Variants in ROCK2 observed in about 807,000 individuals in gnomAD.
ROCK2 encodes Rho associated coiled-coil containing protein kinase 2.
Under a neutral mutation model 195.1 loss-of-function variants are expected in ROCK2, and 61 were observed. The observed-to-expected ratio is 0.31, with a 90% CI of 0.25 to 0.39. The LOEUF (loss-of-function observed/expected upper bound fraction) is 0.39, where lower values mean the gene tolerates loss of function less well. ROCK2 is among the 10% of genes least tolerant of loss of function. ROCK2 has a pLI of 1.00. For missense variants in ROCK2, 1,109 were observed against 1,637.4 expected, an observed-to-expected ratio of 0.68 and a Z score of 5.57; for synonymous variants, 504 against 545.5, an observed-to-expected ratio of 0.92 and a Z score of 1.06.
At chr2:11,261,000 T>C (rs1431996067) in intron 3 of ROCK2, among the ~76,000 whole-genome samples, 1 of 152,246 alleles carries the variant, frequency 6.6e-6, no homozygotes, top group Non-Finnish European at 1.5e-5. Flanking sequence ...ACACATACTT[T>C]CATTTGTGAG....
chr2:11,278,965 T>C (rs1183942624), intron 3 of ROCK2, among the ~76,000 whole-genome samples: 2 of 150,954 alleles, frequency 1.3e-5, no homozygotes, highest in African/African-American at 4.9e-5. Context: ...TTTAAAACTC[T>C]AGGGCAAACA....
At chr2:11,287,990 T>C (rs577332163) in intron 1 of ROCK2, among the ~76,000 whole-genome samples, 1 of 152,336 alleles carries the variant, frequency 6.6e-6, no homozygotes, top group East Asian at 1.9e-4. Context: ...AAAACATGTA[T>C]CTATTATTAT....
At chr2:11,288,160 C>A (rs1426081769) in intron 1 of ROCK2, among the ~76,000 whole-genome samples, 1 of 152,174 alleles carries the variant, frequency 6.6e-6, no homozygotes, top group East Asian at 1.9e-4. Flanking sequence ...ATAAATAACA[C>A]CATCCTTACC....
intron 3 of ROCK2, among the ~76,000 whole-genome samples, chr2:11,261,117 T>C (rs566658592): frequency 1.2e-3 from 180 of 152,354 alleles, no homozygotes; most frequent in African/African-American, 4.0e-3. Flanking sequence ...TTCTAGTTCA[T>C]AGGGCCTGAA....
At chr2:11,322,502 A>AGTTTT (rs1159021818) in intron 1 of ROCK2, among the ~76,000 whole-genome samples, 5 of 151,946 alleles carry the variant, frequency 3.3e-5, no homozygotes, top group African/African-American at 1.2e-4. Flanking sequence ...TTAGAAGAGC[A>AGTTTT]TCCATAATGC....
At chr2:11,244,588 A>G (rs1181715134) in intron 4 of ROCK2, among the ~76,000 whole-genome samples, 2 of 152,044 alleles carry the variant, frequency 1.3e-5, no homozygotes, top group African/African-American at 2.4e-5. Context: ...CAACATAGTG[A>G]GACCCCAATC....
intron 3 of ROCK2, among the ~76,000 whole-genome samples, chr2:11,267,495 C>T (rs1666458414): frequency 6.6e-6 from 1 of 151,088 alleles, no homozygotes; most frequent in Admixed American, 6.6e-5. Context: ...AAAGCTTCAC[C>T]ATTTTCACAT....
At chr2:11,260,686 T>C (rs1168677738) in intron 3 of ROCK2, among the ~76,000 whole-genome samples, 1 of 152,150 alleles carries the variant, frequency 6.6e-6, no homozygotes, top group Admixed American at 6.5e-5. Flanking sequence ...TATAAAGATA[T>C]CAACAGAAGC....
intron 3 of ROCK2, among the ~76,000 whole-genome samples, chr2:11,271,363 G>A (rs1315570397): frequency 1.3e-5 from 2 of 152,140 alleles, no homozygotes; most frequent in African/African-American, 2.4e-5. Flanking sequence ...TTAATTGTCT[G>A]ACTTGACCAC....
intron 4 of ROCK2, among the ~76,000 whole-genome samples, chr2:11,243,273 C>T (rs1279323411): frequency 1.3e-5 from 2 of 152,164 alleles, no homozygotes; most frequent in South Asian, 2.1e-4. Flanking sequence ...ATGTTAATTT[C>T]CTCATTTTGC....
intron 4 of ROCK2, among the ~76,000 whole-genome samples, chr2:11,243,591 C>T (rs10192483): frequency 0.44 from 67,144 of 151,814 alleles, 15,414 homozygotes; most frequent in Admixed American, 0.54. Flanking sequence ...ACCCATAACC[C>T]TAGTATAATT....
intron 27 of ROCK2, 106 bp from the exon 28 acceptor site, chr2:11,195,131 C>T: frequency 3.5e-6 from 2 of 579,328 alleles, no homozygotes; most frequent in Non-Finnish European, 5.8e-6. Context: ...TAAAATATAT[C>T]CTTTAGAATT....
chr2:11,210,697 CA>C (rs1052441868), intron 18 of ROCK2, among the ~76,000 whole-genome samples: 1 of 152,016 alleles, frequency 6.6e-6, no homozygotes, highest in African/African-American at 2.4e-5. Context: ...CACGAAATGT[CA>C]AAAATGTTTA....
At chr2:11,209,936 G>A (rs920547048) in intron 18 of ROCK2, among the ~76,000 whole-genome samples, 1 of 152,152 alleles carries the variant, frequency 6.6e-6, no homozygotes, top group Admixed American at 6.5e-5. Flanking sequence ...TAACAATACT[G>A]TAATTGTCCC....
Position 11,284,035 on chromosome 2 carries a change from A to C in ROCK2, c.324+2504T>G, listed in dbSNP as rs1306250812. The stretch of plus-strand genomic sequence containing the variant: ...ATGCCCTTCAGTAGGTGAATGGATA[A>C]ACTTTGGTACAGCCAGACAACAGAA... On this transcript the variant is annotated intron_variant, in intron 3 of 32. Coordinates refer to ENST00000315872, the MANE Select transcript of ROCK2 (RefSeq NM_004850.5). Among the ~76,000 whole-genome samples the C allele has an allele frequency of 2.0e-5, 3 of 152,244 alleles. No individual in the cohort carries two copies. The East Asian group carries it at 5.8e-4, about 29-fold the overall frequency.
intron 1 of ROCK2, among the ~76,000 whole-genome samples, chr2:11,294,986 A>T (rs1454778895): frequency 1.3e-5 from 2 of 151,928 alleles, no homozygotes; most frequent in Non-Finnish European, 2.9e-5. Context: ...ACGGGGTTTC[A>T]TCATGTTGCC....
At chr2:11,317,612 A>ATATATATTTTT (rs59701503) in intron 1 of ROCK2, among the ~76,000 whole-genome samples, 5 of 19,310 alleles carry the variant, frequency 2.6e-4, no homozygotes, top group African/African-American at 4.8e-4. Context: ...ATATATATAT[A>ATATATATTTTT]TTTTTTTTTT....
Position 11,251,392 on chromosome 2 carries a change from T to G in ROCK2, c.325-1594A>C, listed in dbSNP as rs114284972. ...CAGGCACTGTGTGTTTTGATACATA[T>G]ATTATCTTACTTAATCTTCATTCCC... On this transcript the variant is annotated intron_variant, in intron 3 of 32. Coordinates refer to ENST00000315872, the MANE Select transcript of ROCK2 (RefSeq NM_004850.5). Among the ~76,000 whole-genome samples, 4 of 152,372 alleles carry G rather than the reference T, an allele frequency of 2.6e-5. No individual in the cohort carries two copies. The East Asian group carries it at 7.7e-4, about 29-fold the overall frequency.
At chr2:11,272,867 C>T (rs145351540) in intron 3 of ROCK2, among the ~76,000 whole-genome samples, 2,869 of 95,444 alleles carry the variant, frequency 0.03, 49 homozygotes, top group East Asian at 0.069. Flanking sequence ...AAGACTCTGT[C>T]TCAAAAAAAA....
Sources: allele counts gnomAD v4.1 joint callset (sites outside exome capture counted in the v4.1 genomes callset), GRCh38; gene constraint gnomAD v4.1.1; transcripts MANE v1.5; gene names NCBI Gene and HGNC (gene_info 2026-07-23, HGNC 2026-07-21).